Variants in PCDH11Y observed in about 807,000 individuals in gnomAD.
PCDH11Y encodes protocadherin 11 Y-linked, also known as protocadherin-11 Y-linked.
For missense variants in PCDH11Y, 12 were observed against 224.8 expected (o/e 0.05, Z 6.05); for synonymous variants, 9 against 83.6 (o/e 0.11, Z 4.87).
At chrY:5,618,917 C>T (rs1602952496) in intron 4 of PCDH11Y, among the ~76,000 whole-genome samples, 3 of 29,098 alleles carry the variant, frequency 1.0e-4, no homozygotes, top group Admixed American at 3.3e-4. Flanking sequence ...TAAGGTGGGA[C>T]GACCACTTGA....
intron 4 of PCDH11Y, among the ~76,000 whole-genome samples, chrY:5,667,597 G>A: frequency 3.1e-5 from 1 of 32,167 alleles, no homozygotes; most frequent in African/African-American, 1.2e-4. Context: ...GTTTCACTAT[G>A]TTGCTCAGGC....
chrY:5,532,545 T>C, intron 3 of PCDH11Y, among the ~76,000 whole-genome samples: 1 of 26,260 alleles, frequency 3.8e-5, no homozygotes. Context: ...CCCAAATAGC[T>C]GGGACTGCAG....
chrY:5,539,966 A>T (rs1602940356), intron 3 of PCDH11Y, among the ~76,000 whole-genome samples: 1 of 32,890 alleles, frequency 3.0e-5, no homozygotes, highest in East Asian at 8.0e-4. Flanking sequence ...TGCCCAAGGT[A>T]GCCTAACTAA....
chrY:5,308,490 C>T, intron 2 of PCDH11Y, among the ~76,000 whole-genome samples: 1 of 31,926 alleles, frequency 3.1e-5, no homozygotes, highest in Non-Finnish European at 7.6e-5. Context: ...TAAAATCCGT[C>T]TCTACTAAAA....
intron 2 of PCDH11Y, among the ~76,000 whole-genome samples, chrY:5,481,676 C>G: frequency 9.2e-5 from 3 of 32,641 alleles, no homozygotes; most frequent in Admixed American, 8.4e-4. Flanking sequence ...ATTTTTCTTT[C>G]TAATATTTTA....
chrY:5,019,393 G>A (rs2052565706), intron 1 of PCDH11Y: 1 of 31,224 alleles, frequency 3.2e-5, no homozygotes, highest in Non-Finnish European at 7.7e-5. Flanking sequence ...CCAACATGGT[G>A]AAACCCCATC....
chrY:5,129,077 A>T (rs2052829427), intron 2 of PCDH11Y, among the ~76,000 whole-genome samples: 1 of 33,505 alleles, frequency 3.0e-5, no homozygotes, highest in Admixed American at 2.7e-4. Flanking sequence ...TGCTAGAAAG[A>T]TATTTTCACC....
At chrY:5,526,242 A>G (rs2053387783) in intron 3 of PCDH11Y, among the ~76,000 whole-genome samples, 2 of 31,671 alleles carry the variant, frequency 6.3e-5, no homozygotes, top group African/African-American at 2.5e-4. Flanking sequence ...TGCTTCTTTC[A>G]AAGGGTCTGT....
chrY:5,348,799 C>A (rs2053154776), intron 2 of PCDH11Y, among the ~76,000 whole-genome samples: 1 of 32,345 alleles, frequency 3.1e-5, no homozygotes. Flanking sequence ...ACTCAGGTGC[C>A]ACGGGAGCCA....
intron 3 of PCDH11Y, among the ~76,000 whole-genome samples, chrY:5,504,645 T>C (rs2053357315): frequency 3.0e-5 from 1 of 32,974 alleles, no homozygotes. Context: ...CAAAGGATTT[T>C]CTTGAGACAC....
intron 3 of PCDH11Y, among the ~76,000 whole-genome samples, chrY:5,538,218 T>C: frequency 5.9e-5 from 2 of 33,635 alleles, no homozygotes; most frequent in African/African-American, 2.3e-4. Context: ...ATCACTCTTA[T>C]AGGAAGATTT....
intron 3 of PCDH11Y, among the ~76,000 whole-genome samples, chrY:5,510,840 G>A (rs2053364327): frequency 9.5e-5 from 3 of 31,460 alleles, no homozygotes. Flanking sequence ...GTGCAGTGGC[G>A]CGATCTCAGC....
chrY:5,393,517 A>T, intron 2 of PCDH11Y, among the ~76,000 whole-genome samples: 1 of 28,054 alleles, frequency 3.6e-5, no homozygotes, highest in South Asian at 8.8e-4. Context: ...GTGAGACCTC[A>T]GCTCTACAAA....
At chrY:5,319,216 T>C in intron 2 of PCDH11Y, among the ~76,000 whole-genome samples, 1 of 33,157 alleles carries the variant, frequency 3.0e-5, no homozygotes, top group African/African-American at 1.2e-4. Flanking sequence ...TGTCTGCCAA[T>C]TGGATGATCA....
chrY:5,064,377 C>A, intron 1 of PCDH11Y, among the ~76,000 whole-genome samples: 1 of 27,191 alleles, frequency 3.7e-5, no homozygotes, highest in Non-Finnish European at 8.5e-5. Flanking sequence ...TTATTTTAAG[C>A]TTCTTCAATA....
chrY:5,315,351 G>T, intron 2 of PCDH11Y, among the ~76,000 whole-genome samples: 1 of 33,774 alleles, frequency 3.0e-5, no homozygotes, highest in East Asian at 7.9e-4. Flanking sequence ...TAATCTCTGA[G>T]ATATGGTTAA....
At chrY:5,037,211 T>A in intron 3 of PCDH11Y, 1 of 86,540 alleles carries the variant, frequency 1.2e-5, no homozygotes, top group African/African-American at 1.1e-4. Context: ...TATTTTGACA[T>A]GTTGACGTGT....
At chrY:5,666,410 G>A in intron 4 of PCDH11Y, among the ~76,000 whole-genome samples, 1 of 33,656 alleles carries the variant, frequency 3.0e-5, no homozygotes, top group Non-Finnish European at 7.4e-5. Context: ...TAGTATTAAG[G>A]TGATTTGGCA....
chrY:5,209,222 G>A, intron 2 of PCDH11Y, among the ~76,000 whole-genome samples: 1 of 32,567 alleles, frequency 3.1e-5, no homozygotes, highest in Non-Finnish European at 7.5e-5. Context: ...AGGTATCCGT[G>A]GATCATGTGA....
Sources: gnomAD v4.1 joint callset for allele counts (sites outside exome capture counted in the v4.1 genomes callset) on GRCh38, gnomAD v4.1.1 for gene constraint, MANE v1.5 for transcripts, NCBI Gene and HGNC (gene_info 2026-07-23, HGNC 2026-07-21) for gene names.